Variants in RFC1 observed in about 807,000 individuals in gnomAD.
The protein encoded by RFC1 is replication factor C subunit 1.
In RFC1, 37 loss-of-function variants were observed where a neutral mutation model predicts 137.4. That is an observed-to-expected ratio of 0.27 (90% CI 0.21 to 0.35). RFC1 has a LOEUF of 0.35. Ranked by LOEUF, RFC1 falls within the 10% of genes least tolerant of loss-of-function variation. The pLI is 1.00. For synonymous variants in RFC1, 429 were observed against 455.7 expected, an observed-to-expected ratio of 0.94 and a Z score of 0.75; for missense variants, 1,205 against 1,358.5, an observed-to-expected ratio of 0.89 and a Z score of 1.78.
chr4:39,292,983 C>G (rs1199161905), intron 22 of RFC1, among the ~76,000 whole-genome samples: 1 of 152,086 alleles, frequency 6.6e-6, no homozygotes, highest in Non-Finnish European at 1.5e-5. Context: ...TTATCAGAAC[C>G]AGCATCAGAA....
rs747464005 is a variant in RFC1, at chr4:39,289,942, G to A, written c.3266C>T (p.Ser1089Phe). The A allele has an allele frequency of 2.9e-5, 47 of 1,612,714 alleles. No individual in the cohort carries two copies. The highest frequency in any genetic ancestry group is 2.5e-6 in the Non-Finnish European group (3 of 1,178,846). The change falls in exon 24 of 25, where the codon TCC becomes TTC. Residue 1089 changes from serine (S) to phenylalanine (F), a missense_variant. Physicochemically the swap from Ser to Phe is radical, Grantham distance 155. Around this residue, in one of 3 missense-constraint regions of RFC1, gnomAD observed 237 missense variants for 304.2 expected, o/e 0.78. Transcript: ENST00000349703. ...TTCTTCATTGTATTCCGAATCCAGG[G>A]ATGGGCTTGTGCTGTGTCTAGATGC... ...IKASRHSTSP[S>F]LDSEYNEELN...
intron 4 of RFC1, among the ~76,000 whole-genome samples, chr4:39,340,897 G>A (rs932830738): frequency 3.9e-5 from 6 of 152,084 alleles, no homozygotes; most frequent in Non-Finnish European, 7.4e-5. Flanking sequence ...TAAAACATGA[G>A]GACAATGTTT....
At chr4:39,300,456 T>G in intron 19 of RFC1, 42 bp from the exon 20 acceptor site, 1 of 1,463,208 alleles carries the variant, frequency 6.8e-7, no homozygotes, top group Non-Finnish European at 9.5e-7. Flanking sequence ...TGGCCAAAAT[T>G]CAAAACGGTA....
At chr4:39,327,918 G>A (rs931568784) in intron 4 of RFC1, among the ~76,000 whole-genome samples, 162 bp from the exon 5 acceptor site, 9 of 152,056 alleles carry the variant, frequency 5.9e-5, no homozygotes, top group Admixed American at 1.3e-4. Flanking sequence ...AATCATTTGC[G>A]CTCAGGAGTT....
chr4:39,313,077 A>G, intron 10 of RFC1, 146 bp from the exon 11 acceptor site: 1 of 651,406 alleles, frequency 1.5e-6, no homozygotes, highest in Non-Finnish European at 2.6e-6. Flanking sequence ...AATTTACAGC[A>G]AATAAGCACC....
chr4:39,305,650 T>C (rs923138901), intron 14 of RFC1, among the ~76,000 whole-genome samples: 2 of 152,088 alleles, frequency 1.3e-5, no homozygotes, highest in African/African-American at 2.4e-5. Context: ...TAATCCTCTC[T>C]AAGATAATTT....
In RFC1 at chr4:39,327,511, G is replaced by A. The variant is rs753983312; in HGVS notation, c.564+13C>T. 36 of 1,569,542 alleles carry A rather than the reference G, an allele frequency of 2.3e-5. 1 individual carries two copies. In the South Asian group the frequency reaches 3.8e-4, roughly 16 times the overall value. On this transcript the variant is annotated intron_variant, in intron 5 of 24. Transcript: ENST00000349703. ...AAATCCTGAGCATACTTGCTTATAT[G>A]TAGAACACTTACCTCTTTTCTTTTG...
Position 39,351,447 on chromosome 4 carries a change from T to C in RFC1, c.33A>G (p.Pro11=). Reference sequence around the variant, plus strand: ...TTTCACTTACAAGTTTCTTTCCACTTGGTATTACTCCAAAGAATTTCCGAA... The same window carrying C: ...TTTCACTTACAAGTTTCTTTCCACTCGGTATTACTCCAAAGAATTTCCGAA... MDIRKFFGVI[P]SGKKLVSETV... is the part of the protein sequence containing the mutation. The change falls in exon 2 of 25, where the codon CCA becomes CCG. Residue 11 remains proline (P), a synonymous_variant. Coordinates refer to ENST00000349703, the MANE Select transcript of RFC1 (RefSeq NM_002913.5). The C allele has an allele frequency of 6.4e-7, 1 of 1,574,244 alleles. No individual in the cohort carries two copies. Among genetic ancestry groups the C allele is most frequent in the Admixed American group, 1.9e-5 (1 of 51,584 alleles).
intron 19 of RFC1, among the ~76,000 whole-genome samples, chr4:39,301,182 AG>A (rs1197298001): frequency 6.6e-6 from 1 of 152,226 alleles, no homozygotes; most frequent in African/African-American, 2.4e-5. Flanking sequence ...CAACTGGAAA[AG>A]TCCACATACT....
intron 22 of RFC1, among the ~76,000 whole-genome samples, chr4:39,294,861 G>A (rs17288708): frequency 3.3e-5 from 5 of 151,986 alleles, no homozygotes; most frequent in African/African-American, 4.8e-5. Context: ...AAAATTAGCC[G>A]GACACGGTGG....
chr4:39,302,345 C>A lies in RFC1; in HGVS notation c.2468G>T (p.Arg823Leu). 6.2e-7 allele frequency: 1 copy of A among 1,613,028 alleles called. No homozygotes were observed. Among genetic ancestry groups the A allele is most frequent in the Non-Finnish European group, 8.5e-7 (1 of 1,179,062 alleles). The change falls in exon 19 of 25, where the codon CGA (arginine) becomes CTA (leucine). Residue 823 changes from arginine (R) to leucine (L), a missense_variant. Coordinates refer to ENST00000349703, the MANE Select transcript of RFC1 (RefSeq NM_002913.5). ...VLHNLSMWCA[R>L]SKALTYDQAK... is the part of the protein sequence containing the mutation. The stretch of plus-strand genomic sequence containing the variant: ...CTGGTCATAGGTTAATGCTTTACTT[C>A]GTGCACACCACATACTCAGATTATG...
chr4:39,311,676 T>C, intron 11 of RFC1, 127 bp from the exon 12 acceptor site: 1 of 592,944 alleles, frequency 1.7e-6, no homozygotes, highest in South Asian at 2.4e-5. Context: ...AAGATAACAC[T>C]GGAATTAAAA....
At chr4:39,306,734 C>T (rs1383029897) in intron 13 of RFC1, 33 bp from the exon 14 acceptor site, 6 of 1,182,928 alleles carry the variant, frequency 5.1e-6, no homozygotes, top group Admixed American at 1.7e-5. Context: ...AGAGTGTCAA[C>T]CTATATCACC....
chr4:39,353,050 A>AG (rs1741285586), intron 1 of RFC1, among the ~76,000 whole-genome samples: 1 of 152,184 alleles, frequency 6.6e-6, no homozygotes. Context: ...ACACACACAA[A>AG]TAACTGTGGC....
intron 1 of RFC1, among the ~76,000 whole-genome samples, chr4:39,361,492 A>T (rs1477708431): frequency 6.6e-6 from 1 of 152,218 alleles, no homozygotes; most frequent in Admixed American, 6.5e-5. Flanking sequence ...AAAATCAGGA[A>T]AAAGTATGTC....
At chr4:39,332,198 C>T (rs192570773) in intron 4 of RFC1, among the ~76,000 whole-genome samples, 8 of 152,212 alleles carry the variant, frequency 5.3e-5, no homozygotes, top group East Asian at 3.9e-4. Flanking sequence ...AGCATGAAAT[C>T]GGACTAATAC....
intron 22 of RFC1, among the ~76,000 whole-genome samples, chr4:39,294,430 C>T (rs931300578): frequency 2.6e-5 from 4 of 151,476 alleles, no homozygotes; most frequent in Non-Finnish European, 5.9e-5. Flanking sequence ...CCAGCACTTT[C>T]GGAGGCCAAG....
chr4:39,309,256 C>A (rs1173923241), intron 12 of RFC1, among the ~76,000 whole-genome samples: 2 of 151,984 alleles, frequency 1.3e-5, no homozygotes, highest in Non-Finnish European at 2.9e-5. Context: ...CTAAAAGTGA[C>A]AACACGTTGA....
chr4:39,310,962 T>C (rs971313419), intron 12 of RFC1, among the ~76,000 whole-genome samples: 7 of 152,018 alleles, frequency 4.6e-5, no homozygotes, highest in African/African-American at 1.7e-4. Context: ...GCCAACATGG[T>C]GAAACTCCGT....
Sources: gnomAD v4.1 joint callset for allele counts (sites outside exome capture counted in the v4.1 genomes callset) on GRCh38, gnomAD v4.1.1 for gene constraint, gnomAD v4.1.1 regional missense constraint, MANE v1.5 for transcripts, NCBI Gene and HGNC (gene_info 2026-07-23, HGNC 2026-07-21) for gene names.